EI24: variants seen among roughly 807,000 people sequenced by gnomAD.
EI24 encodes the protein EI24 autophagy associated transmembrane protein.
Under a neutral mutation model 48.6 loss-of-function variants are expected in EI24, and 21 were observed. That is an observed-to-expected ratio of 0.43 (90% CI 0.31 to 0.62). The LOEUF (loss-of-function observed/expected upper bound fraction) is 0.62. EI24 is among the 20% of genes least tolerant of loss of function. EI24 has a pLI of 0.10. For synonymous variants in EI24, 114 were observed against 145.5 expected (o/e 0.78, Z 1.56); for missense variants, 280 against 410.5 (o/e 0.68, Z 2.75).
intron 7 of EI24, 93 bp downstream of exon 7, chr11:125,579,161 A>G: frequency 7.9e-7 from 1 of 1,258,410 alleles, no homozygotes. Flanking sequence ...TATTATATTT[A>G]TACAGAGTAT....
intron 10 of EI24, among the ~76,000 whole-genome samples, chr11:125,582,834 C>T (rs1383231577): frequency 6.6e-6 from 1 of 152,128 alleles, no homozygotes; most frequent in Non-Finnish European, 1.5e-5. Flanking sequence ...CTTAGGTCTG[C>T]TTTGGGTTTT....
intron 7 of EI24, among the ~76,000 whole-genome samples, chr11:125,579,551 C>T (rs1465589755): frequency 6.6e-6 from 1 of 152,064 alleles, no homozygotes; most frequent in Non-Finnish European, 1.5e-5. Flanking sequence ...CTTGTAATCC[C>T]AGCTACTCGG....
intron 9 of EI24, among the ~76,000 whole-genome samples, chr11:125,581,534 A>ATTT (rs1591360960): frequency 1.1e-4 from 5 of 44,682 alleles, no homozygotes; most frequent in Admixed American, 2.7e-4. Context: ...TGAAGCAATT[A>ATTT]TTCTTTTTTT....
At chr11:125,581,846 C>G (rs1406985696) in intron 9 of EI24, among the ~76,000 whole-genome samples, 1 of 151,964 alleles carries the variant, frequency 6.6e-6, no homozygotes, top group African/African-American at 2.4e-5. Flanking sequence ...CATGCCCAGC[C>G]CTGCAGCAAT....
At chr11:125,572,049 T>A (rs1207088880) in intron 1 of EI24, among the ~76,000 whole-genome samples, 1 of 152,192 alleles carries the variant, frequency 6.6e-6, no homozygotes, top group African/African-American at 2.4e-5. Context: ...TTTGAAGGTA[T>A]CCAGCAAACA....
rs187362273 is a variant in EI24 at position 125,571,337 on chromosome 11, A to G, written c.-70-1121A>G. 9.2e-5 allele frequency among the ~76,000 whole-genome samples: 14 copies of G among 152,356 alleles called. No individual in the cohort carries two copies. In the East Asian group the frequency reaches 2.1e-3, roughly 23 times the overall value. ...AAAAATGCCTGAAAGTGGGTTTTCT[A>G]TTCATCTTAGAAGTCACCACAGATT... On this transcript the variant is annotated intron_variant, in intron 1 of 10. Transcript: ENST00000278903.
chr11:125,582,514 T>G, intron 10 of EI24, 94 bp downstream of exon 10: 1 of 960,400 alleles, frequency 1.0e-6, no homozygotes, highest in Non-Finnish European at 1.5e-6. Flanking sequence ...AAAAAAATTC[T>G]TACTGTAGGA....
At chr11:125,571,399 C>T (rs1938528327) in intron 1 of EI24, among the ~76,000 whole-genome samples, 1 of 152,156 alleles carries the variant, frequency 6.6e-6, no homozygotes, top group Non-Finnish European at 1.5e-5. Flanking sequence ...AAGTATTTCT[C>T]ACATGAACTC....
rs77420108 is a variant in EI24 at position 125,583,524 on chromosome 11, C to T, written c.864C>T (p.Leu288=). 6.7e-4 allele frequency: 1,056 copies of T among 1,584,154 alleles called. 4 individuals are homozygous for T. In the African/African-American group the frequency reaches 0.013, roughly 20 times the overall value. The change falls in exon 11 of 11, where the codon CTC becomes CTT. Residue 288 remains leucine (L), a synonymous_variant. Transcript: ENST00000278903. ...AGTTGGGTTTCTTGCCTTTTAGTCTCTTCCAGTTGCGCCTCTTCTCCTTGG... is the reference window on the plus strand; with the variant it reads ...AGTTGGGTTTCTTGCCTTTTAGTCTTTTCCAGTTGCGCCTCTTCTCCTTGG... ...NEAKTPGKAY[L]FQLRLFSLVV...
intron 1 of EI24, among the ~76,000 whole-genome samples, chr11:125,570,799 C>T (rs116252245): frequency 0.019 from 2,962 of 152,188 alleles, 78 homozygotes; most frequent in African/African-American, 0.064. Flanking sequence ...TGGCAGGTTA[C>T]GGGAGTGGAT....
At position 125,578,937 on chromosome 11, in the gene EI24, T is replaced by C. The variant is rs368629142; in HGVS notation, c.442-12T>C. On this transcript the variant is annotated splice_polypyrimidine_tract_variant and intron_variant, in intron 6 of 10. Transcript: ENST00000278903. Reference sequence around the variant, plus strand: ...ATTTAATTCATGTTTTGGTACACTTTCTCTGTTACAGGATATAGCTGACCT... The same window carrying C: ...ATTTAATTCATGTTTTGGTACACTTCCTCTGTTACAGGATATAGCTGACCT... 8.3e-6 allele frequency: 13 copies of C among 1,568,292 alleles called. No homozygotes were observed. Among genetic ancestry groups the C allele is most frequent in the East Asian group, 2.3e-5 (1 of 43,184 alleles).
At chr11:125,570,287 C>T (rs751607203) in intron 1 of EI24, 5 of 152,210 alleles carry the variant, frequency 3.3e-5, no homozygotes, top group African/African-American at 9.7e-5. Context: ...TGGGTTCTCT[C>T]ACCTGTTAAA....
chr11:125,581,348 G>C (rs1014445651), intron 9 of EI24, 26 bp downstream of exon 9: 2 of 1,480,680 alleles, frequency 1.4e-6, no homozygotes, highest in East Asian at 4.6e-5. Flanking sequence ...GGATTTGAAG[G>C]AGACTAGTAA....
At chr11:125,581,537 CTTTTT>C (rs33956827) in intron 9 of EI24, among the ~76,000 whole-genome samples, 22 of 50,742 alleles carry the variant, frequency 4.3e-4, no homozygotes, top group Admixed American at 6.5e-4. Flanking sequence ...AGCAATTATT[CTTTTT>C]TTTTTTTTTT....
intron 8 of EI24, 100 bp downstream of exon 8, chr11:125,580,304 C>A: frequency 1.1e-6 from 1 of 901,926 alleles, no homozygotes; most frequent in Admixed American, 1.9e-5. Context: ...TTTTGGCAAA[C>A]AATCCTTTGA....
chr11:125,577,706 T>G (rs1439669504), intron 5 of EI24, 136 bp downstream of exon 5: 11 of 758,210 alleles, frequency 1.5e-5, no homozygotes, highest in Non-Finnish European at 2.3e-5. Context: ...TTTATTCTTT[T>G]TAAAAATTTA....
chr11:125,570,652 C>T (rs1484278455), intron 1 of EI24, among the ~76,000 whole-genome samples: 2 of 152,172 alleles, frequency 1.3e-5, no homozygotes, highest in Non-Finnish European at 2.9e-5. Flanking sequence ...TAATGGGCTT[C>T]CTTAAACCTC....
In EI24 at chr11:125,580,110, C is replaced by T; in HGVS notation, c.579C>T (p.Leu193=). ...TTCTTCAGGGAATGTTTGTGAGTCTCTTTCCCATCCATCTTGTCGGTCAGC... is the reference window on the plus strand; with the variant it reads ...TTCTTCAGGGAATGTTTGTGAGTCTTTTTCCCATCCATCTTGTCGGTCAGC... ...LFLIQGMFVS[L]FPIHLVGQLV... Residue 193 remains leucine (L), a synonymous_variant, in exon 8 of 11, where the codon CTC becomes CTT. Transcript: ENST00000278903. 6.2e-7 allele frequency: 1 copy of T among 1,613,622 alleles called. No homozygotes were observed. The highest frequency in any genetic ancestry group is 8.5e-7 in the Non-Finnish European group (1 of 1,179,518).
intron 7 of EI24, among the ~76,000 whole-genome samples, chr11:125,579,559 C>T (rs1044828261): frequency 6.6e-6 from 1 of 152,010 alleles, no homozygotes; most frequent in African/African-American, 2.4e-5. Flanking sequence ...CCCAGCTACT[C>T]GGGAAGCTGA....
Sources: allele counts gnomAD v4.1 joint callset (sites outside exome capture counted in the v4.1 genomes callset), GRCh38; gene constraint gnomAD v4.1.1; transcripts MANE v1.5; gene names NCBI Gene and HGNC (gene_info 2026-07-23, HGNC 2026-07-21).